The following KTN1 variants were observed in gnomAD, a reference collection of about 807,000 sequenced individuals.
KTN1 encodes the protein kinectin 1.
Under a neutral mutation model 222.5 loss-of-function variants are expected in KTN1, and 130 were observed. That is an observed-to-expected ratio of 0.58 (90% CI 0.51 to 0.68). The LOEUF (loss-of-function observed/expected upper bound fraction) is 0.68, where lower values mean the gene tolerates loss of function less well. Among genes scored for constraint, KTN1 ranks in the 30% least tolerant of loss-of-function variants. The pLI is 0.00. For missense variants in KTN1, 1,508 were observed against 1,500.4 expected, an observed-to-expected ratio of 1.01 and a Z score of -0.08; for synonymous variants, 512 against 496.3, an observed-to-expected ratio of 1.03 and a Z score of -0.42.
intron 25 of KTN1, 108 bp downstream of exon 25, chr14:55,652,035 C>A: frequency 4.3e-6 from 3 of 695,562 alleles, no homozygotes; most frequent in African/African-American, 1.8e-5. Flanking sequence ...TTAGAAAATA[C>A]GAAAATACTG....
At chr14:55,658,151 C>T (rs908736169) in intron 29 of KTN1, among the ~76,000 whole-genome samples, 3 of 151,992 alleles carry the variant, frequency 2.0e-5, no homozygotes, top group African/African-American at 7.3e-5. Context: ...CTGGGGCAGG[C>T]GGGCTGGGGC....
intron 5 of KTN1, among the ~76,000 whole-genome samples, chr14:55,626,421 C>T (rs956939666): frequency 6.6e-6 from 1 of 151,996 alleles, no homozygotes; most frequent in Admixed American, 6.6e-5. Flanking sequence ...TTTGTGTTAT[C>T]TTTTCTCTGA....
intron 24 of KTN1, 75 bp downstream of exon 24, chr14:55,650,712 T>A: frequency 8.5e-7 from 1 of 1,170,738 alleles, no homozygotes; most frequent in East Asian, 2.3e-5. Context: ...TTTTTTCTTG[T>A]TACTCAGAAA....
chr14:55,644,851 G>A (rs2042145559), intron 18 of KTN1, among the ~76,000 whole-genome samples: 1 of 152,032 alleles, frequency 6.6e-6, no homozygotes, highest in African/African-American at 2.4e-5. Flanking sequence ...ACTAAGCTGA[G>A]TCAGGTTTAT....
chr14:55,663,966 G>A lies in KTN1; in HGVS notation c.3102G>A (p.Glu1034=). 1 of 1,610,792 alleles carries A rather than the reference G, an allele frequency of 6.2e-7. No homozygotes were observed. Among genetic ancestry groups the A allele is most frequent in the Non-Finnish European group, 8.5e-7 (1 of 1,177,528 alleles). ...HQRKKNNDLR[E]KNWEAMEALA... is the part of the protein sequence containing the mutation. ...CTAAAAATGATTAGGACCTTCGGGA[G>A]AAAAACTGGGAAGCAATGGAAGCAT... Residue 1034 remains glutamate, a synonymous_variant, in exon 33 of 44, where the codon GAG becomes GAA. Coordinates refer to ENST00000395314, the MANE Select transcript of KTN1 (RefSeq NM_001079521.2).
chr14:55,644,514 A>C, intron 18 of KTN1: 1 of 638,048 alleles, frequency 1.6e-6, no homozygotes, highest in South Asian at 1.8e-5. Context: ...ATGGTCAGAT[A>C]ATGCAAATAA....
At chr14:55,623,456 CG>C (rs2039413861) in intron 5 of KTN1, among the ~76,000 whole-genome samples, 1 of 152,174 alleles carries the variant, frequency 6.6e-6, no homozygotes, top group African/African-American at 2.4e-5. Flanking sequence ...CTCTGCTCAC[CG>C]TAGCCTTCAA....
intron 5 of KTN1, among the ~76,000 whole-genome samples, chr14:55,621,036 C>T (rs2039065185): frequency 6.6e-6 from 1 of 152,190 alleles, no homozygotes; most frequent in Admixed American, 6.5e-5. Flanking sequence ...ATTTCTTCCG[C>T]CAGAGACCCT....
At chr14:55,604,558 A>G (rs1325162678) in intron 1 of KTN1, among the ~76,000 whole-genome samples, 2 of 152,042 alleles carry the variant, frequency 1.3e-5, no homozygotes, top group South Asian at 2.1e-4. Context: ...CCTTATCACT[A>G]TTCTTGCTAC....
intron 34 of KTN1, among the ~76,000 whole-genome samples, chr14:55,669,065 A>AT (rs951359190): frequency 6.4e-4 from 97 of 150,860 alleles, no homozygotes; most frequent in African/African-American, 2.2e-3. Flanking sequence ...AATATATTCA[A>AT]TTTTTTTTTC....
At chr14:55,586,996 C>T (rs1334709764) in intron 1 of KTN1, among the ~76,000 whole-genome samples, 2 of 152,136 alleles carry the variant, frequency 1.3e-5, no homozygotes, top group African/African-American at 4.8e-5. Flanking sequence ...TTGTCACAGC[C>T]TTATTTTTAT....
rs147162896 is a variant in KTN1 at position 55,649,456 on chromosome 14, C to G, written c.2368-320C>G. Among the ~76,000 whole-genome samples the G allele has an allele frequency of 3.4e-3, 515 of 152,206 alleles. 3 individuals are homozygous for G. Among genetic ancestry groups the G allele is most frequent in the African/African-American group, 8.4e-3 (349 of 41,534 alleles). On this transcript the variant is annotated intron_variant, in intron 21 of 43. Transcript: ENST00000395314. ...CTAAGTATACAAATATAAAGTAAGA[C>G]TCTAGTAAAAGAGGCCGCCTGAAAT...
chr14:55,653,212 TTTG>T (rs1396466247), intron 27 of KTN1, 127 bp downstream of exon 27: 5 of 697,266 alleles, frequency 7.2e-6, no homozygotes, highest in Non-Finnish European at 1.2e-5. Context: ...GTACCATAGT[TTTG>T]TTGTTGTTTA....
intron 24 of KTN1, chr14:55,651,150 T>G (rs887709979): frequency 5.3e-6 from 2 of 379,936 alleles, no homozygotes; most frequent in Admixed American, 6.3e-5. Context: ...TCTCATAGAT[T>G]CATTCAGCAA....
chr14:55,663,258 A>G (rs1208962526), intron 32 of KTN1: 1 of 203,318 alleles, frequency 4.9e-6, no homozygotes, highest in Non-Finnish European at 1.0e-5. Context: ...ACTGAAATAT[A>G]GCAGATTATA....
intron 39 of KTN1, 76 bp from the exon 40 acceptor site, chr14:55,673,096 G>A (rs1223821207): frequency 6.7e-7 from 1 of 1,496,536 alleles, no homozygotes; most frequent in African/African-American, 1.4e-5. Flanking sequence ...AGTTGTTTGT[G>A]GCAGAGCTTC....
chr14:55,639,263 CACTA>C (rs763243277), intron 13 of KTN1, 41 bp downstream of exon 13: 45 of 1,392,366 alleles, frequency 3.2e-5, no homozygotes, highest in Non-Finnish European at 4.2e-5. Context: ...GTGTAGTCAC[CACTA>C]ACTGATACTT....
chr14:55,581,051 G>A (rs1337912362), intron 1 of KTN1, among the ~76,000 whole-genome samples: 1 of 152,238 alleles, frequency 6.6e-6, no homozygotes, highest in Admixed American at 6.5e-5. Flanking sequence ...GTCCCCGAGG[G>A]GTGTGTCCTA....
At chr14:55,630,975 G>GA (rs2040437385) in intron 7 of KTN1, among the ~76,000 whole-genome samples, 3 of 152,154 alleles carry the variant, frequency 2.0e-5, no homozygotes, top group South Asian at 4.1e-4. Context: ...GTTTTGGCCT[G>GA]AGTGATTTTG....
Sources: gnomAD v4.1 joint callset for allele counts (sites outside exome capture counted in the v4.1 genomes callset) on GRCh38, gnomAD v4.1.1 for gene constraint, MANE v1.5 for transcripts, NCBI Gene and HGNC (gene_info 2026-07-23, HGNC 2026-07-21) for gene names.